Variants in C6orf62 observed in about 807,000 individuals in gnomAD.
C6orf62 encodes the protein uncharacterized protein C6orf62.
Under a neutral mutation model 26.8 loss-of-function variants are expected in C6orf62, and 16 were observed. The observed-to-expected ratio is 0.60, with a 90% CI of 0.40 to 0.91. The LOEUF (loss-of-function observed/expected upper bound fraction) is 0.91, where lower values mean the gene tolerates loss of function less well. C6orf62 is among the 40% of genes least tolerant of loss of function. The pLI, the probability that C6orf62 is intolerant of heterozygous loss-of-function variation, is 0.00. For missense variants in C6orf62, 192 were observed against 271.4 expected, an observed-to-expected ratio of 0.71 and a Z score of 2.06; for synonymous variants, 112 against 91.5, an observed-to-expected ratio of 1.22 and a Z score of -1.28.
At chr6:24,711,113 G>C (rs1193816489) in intron 3 of C6orf62, among the ~76,000 whole-genome samples, 2 of 152,120 alleles carry the variant, frequency 1.3e-5, no homozygotes, top group Non-Finnish European at 2.9e-5. Context: ...AAGCAACCAG[G>C]GTGGGTGCAA....
Position 24,714,431 on chromosome 6 carries a change from C to A in C6orf62, c.316G>T (p.Gly106Cys). 6.3e-7 allele frequency: 1 copy of A among 1,575,222 alleles called. No individual in the cohort carries two copies. Among genetic ancestry groups the A allele is most frequent in the Non-Finnish European group, 8.6e-7 (1 of 1,163,490 alleles). ...ATGAAATCCATCTCCTGAGTACAGC[C>A]AATTACATCCTATAAAATGATTAAA... ...RYQSMRRDVI[G>C]CTQEMDFILW... is the part of the protein sequence containing the mutation. Residue 106 changes from glycine to cysteine, a missense_variant, in exon 3 of 5, where the codon GGC (glycine) becomes TGC (cysteine). Gly to Cys is a radical substitution (Grantham distance 159). Transcript: ENST00000378119.
rs564032080 is a variant in C6orf62, at chr6:24,707,658, C to T, written c.564+1119G>A. On this transcript the variant is annotated intron_variant, in intron 4 of 4. Transcript: ENST00000378119. Reference sequence around the variant, plus strand: ...GAGACACTGTGCCCAAATGGAAGTGCTTATTTGAAATAAATGTGGATCTTT... The same window carrying T: ...GAGACACTGTGCCCAAATGGAAGTGTTTATTTGAAATAAATGTGGATCTTT... 1.0e-3 allele frequency among the ~76,000 whole-genome samples: 159 copies of T among 152,118 alleles called. 1 individual carries two copies. The highest frequency in any genetic ancestry group is 3.6e-3 in the African/African-American group (150 of 41,514).
At chr6:24,720,199 G>T (rs1490230724), upstream of C6orf62, 15 of 1,361,526 alleles carry the variant, frequency 1.1e-5, no homozygotes, top group Middle Eastern at 5.5e-4. Flanking sequence ...TGTCCCCGCG[G>T]AGCCCGGGAC....
chr6:24,712,363 C>T (rs1044040544), intron 3 of C6orf62, among the ~76,000 whole-genome samples: 1 of 150,432 alleles, frequency 6.6e-6, no homozygotes, highest in African/African-American at 2.5e-5. Context: ...GCTTGGGCGA[C>T]AGAGCAAGAC....
intron 3 of C6orf62, among the ~76,000 whole-genome samples, chr6:24,713,926 A>G (rs1220474227): frequency 1.3e-5 from 2 of 152,232 alleles, no homozygotes; most frequent in East Asian, 3.8e-4. Context: ...CAACTTCTAC[A>G]AAATGATTTC....
At chr6:24,711,775 C>A (rs1265626851) in intron 3 of C6orf62, among the ~76,000 whole-genome samples, 1 of 152,140 alleles carries the variant, frequency 6.6e-6, no homozygotes, top group Non-Finnish European at 1.5e-5. Context: ...ATATTTAAGG[C>A]CCCTCATATA....
At chr6:24,706,679 A>C (rs966146031) in intron 4 of C6orf62, 1 of 164,842 alleles carries the variant, frequency 6.1e-6, no homozygotes, top group African/African-American at 2.4e-5. Flanking sequence ...TGGGAGGCTG[A>C]GTCAGGAGGA....
intron 1 of C6orf62, among the ~76,000 whole-genome samples, chr6:24,717,558 C>A (rs1049344534): frequency 6.6e-6 from 1 of 152,198 alleles, no homozygotes; most frequent in Non-Finnish European, 1.5e-5. Context: ...CTTTAAAATG[C>A]CATGACAGGA....
upstream of C6orf62, chr6:24,719,951 A>C: frequency 6.5e-7 from 1 of 1,550,300 alleles, no homozygotes; most frequent in Non-Finnish European, 8.7e-7. Flanking sequence ...GGAGAGGGTA[A>C]ATGGGAAGGT....
intron 1 of C6orf62, 59 bp from the exon 2 acceptor site, chr6:24,716,383 T>C (rs1174499666): frequency 1.6e-6 from 2 of 1,222,382 alleles, no homozygotes; most frequent in African/African-American, 3.0e-5. Flanking sequence ...TAACACTCAG[T>C]TCATATTACA....
At chr6:24,711,292 A>C (rs1440051103) in intron 3 of C6orf62, among the ~76,000 whole-genome samples, 1 of 152,102 alleles carries the variant, frequency 6.6e-6, no homozygotes, top group African/African-American at 2.4e-5. Flanking sequence ...GCAGCATGAA[A>C]GAAGTAATTC....
rs1338197292 is a variant in C6orf62, at chr6:24,718,617, G to A, written c.52C>T (p.Gln18Ter). ...KKQALNRLRAQLRKKKESLAD... is the reference protein window; with the variant it reads ...KKQALNRLRA ...AGAGATTCTTTTTTCTTTCTAAGCT[G>A]AGCACGTAGTCTGTTCAGAGCTTGT... Residue 18 changes from glutamine to a stop codon, truncating the protein, a stop_gained, in exon 1 of 5, where the codon CAG becomes TAG. Coordinates refer to ENST00000378119, the MANE Select transcript of C6orf62 (RefSeq NM_030939.5). LOFTEE classifies it high-confidence loss of function. 6.2e-7 allele frequency: 1 copy of A among 1,614,052 alleles called. No homozygotes were observed. The highest frequency in any genetic ancestry group is 8.5e-7 in the Non-Finnish European group (1 of 1,180,010).
intron 4 of C6orf62, among the ~76,000 whole-genome samples, chr6:24,708,398 G>T (rs1217508507): frequency 6.6e-6 from 1 of 152,046 alleles, no homozygotes; most frequent in African/African-American, 2.4e-5. Context: ...ATTCAAGCTG[G>T]AGTGCAGTGA....
rs1581399265 is a variant in C6orf62 at position 24,716,014 on chromosome 6, G to A, written c.306+134C>T. ...AAGTCATGATCCCAGTTATCAACAT[G>A]GCACAAAGACAAATTTACCTGAAGA... On this transcript the variant is annotated intron_variant, in intron 2 of 4. Coordinates refer to ENST00000378119, the MANE Select transcript of C6orf62 (RefSeq NM_030939.5). 11 of 685,778 alleles carry A rather than the reference G, an allele frequency of 1.6e-5. No homozygotes were observed. In the East Asian group the frequency reaches 2.5e-4, roughly 16 times the overall value. The allele number at this position is 685,778 out of a possible 1,614,324, so 42.5% of individuals were successfully genotyped here.
intron 1 of C6orf62, 34 bp downstream of exon 1, chr6:24,718,506 T>C (rs889432665): frequency 1.3e-6 from 2 of 1,550,428 alleles, no homozygotes; most frequent in Non-Finnish European, 1.8e-6. Flanking sequence ...CAAAAATTAC[T>C]TGTGCTAATT....
Position 24,711,684 on chromosome 6 carries a change from C to CA in C6orf62, c.429+2633dup, listed in dbSNP as rs760318467. On this transcript the variant is annotated intron_variant, in intron 3 of 4. Transcript: ENST00000378119. Reference sequence around the variant, plus strand: ...GTAAAGTGCTTTAAGAGTCAAAAAACAAAAAACAAAAAAAAGAGGCCTGCA... The same window carrying CA: ...GTAAAGTGCTTTAAGAGTCAAAAAACAAAAAAACAAAAAAAAGAGGCCTGCA... Among the ~76,000 whole-genome samples the CA allele has an allele frequency of 4.3e-5, 6 of 139,786 alleles. No homozygotes were observed. In the South Asian group the frequency reaches 8.6e-4, roughly 20 times the overall value. The allele number at this position is 139,786 out of a possible 152,430, so 91.7% of individuals were successfully genotyped here. A position where few individuals can be genotyped will look rare whatever the true frequency, so the allele number is the denominator to read the frequency against.
At chr6:24,710,647 A>C (rs1221521744) in intron 3 of C6orf62, 1 of 983,536 alleles carries the variant, frequency 1.0e-6, no homozygotes, top group African/African-American at 1.8e-5. Flanking sequence ...ATGATTTTGG[A>C]TTGCGCCTTT....
chr6:24,719,156 A>C (rs1285420452), upstream of C6orf62: 7 of 62,310 alleles, frequency 1.1e-4, no homozygotes, highest in South Asian at 1.3e-3. Context: ...CTTGCTTTCC[A>C]AAAAAAAAAA....
At chr6:24,710,553 C>G (rs567540314) in intron 3 of C6orf62, 1 of 983,046 alleles carries the variant, frequency 1.0e-6, no homozygotes. Context: ...CGTGAGCAAC[C>G]GCGCCCGGCC....
Sources: gnomAD v4.1 joint callset for allele counts (sites outside exome capture counted in the v4.1 genomes callset) on GRCh38, gnomAD v4.1.1 for gene constraint, MANE v1.5 for transcripts, NCBI Gene and HGNC (gene_info 2026-07-23, HGNC 2026-07-21) for gene names.